Variants in TMEM178B observed in about 807,000 individuals in gnomAD.
TMEM178B encodes the protein transmembrane protein 178B.
TMEM178B carries 5 observed loss-of-function variants against 31.0 expected under a neutral mutation model. That is an observed-to-expected ratio of 0.16 (90% CI 0.08 to 0.34). TMEM178B has a LOEUF of 0.34. TMEM178B is among the 10% of genes least tolerant of loss of function. The probability of loss-of-function intolerance (pLI) is 1.00; values close to 1 mark genes in which losing one functional copy is unlikely to be tolerated. For synonymous variants in TMEM178B, 164 were observed against 164.0 expected (o/e 1.00, Z 0.00); for missense variants, 275 against 400.3 (o/e 0.69, Z 2.67).
At position 141,422,765 on chromosome 7, in the gene TMEM178B, C is replaced by T. The variant is rs1801236574; in HGVS notation, c.497-14843C>T. ...GCAGTGGCTGGAGTGGGGAAGCTCC[C>T]ATGGGGAGAGAATAGAAATGCAAGA... is the stretch of plus-strand genomic sequence containing the variant. On this transcript the variant is annotated intron_variant, in intron 2 of 3. Transcript: ENST00000565468. The surrounding 1 kb of genome is among the most constrained non-coding windows in gnomAD (Gnocchi z 4.2). 6.6e-6 allele frequency among the ~76,000 whole-genome samples: 1 copy of T among 152,140 alleles called. No individual in the cohort carries two copies. Among genetic ancestry groups the T allele is most frequent in the African/African-American group, 2.4e-5 (1 of 41,430 alleles).
intron 2 of TMEM178B, among the ~76,000 whole-genome samples, chr7:141,227,459 T>A (rs1299331265): frequency 2.0e-5 from 3 of 152,190 alleles, no homozygotes; most frequent in Non-Finnish European, 4.4e-5. Context: ...CATACCTTAT[T>A]CACTGAAATC....
intron 1 of TMEM178B, among the ~76,000 whole-genome samples, chr7:141,118,237 A>T (rs1167054169): frequency 6.6e-6 from 1 of 152,006 alleles, no homozygotes; most frequent in South Asian, 2.1e-4. Flanking sequence ...TTGGCCTCCA[A>T]CTCAAACTGG....
At chr7:141,246,014 G>C (rs912350105) in intron 2 of TMEM178B, among the ~76,000 whole-genome samples, 2 of 151,818 alleles carry the variant, frequency 1.3e-5, no homozygotes, top group Middle Eastern at 3.4e-3. Flanking sequence ...TTTTTTTCCT[G>C]AATTCCAACC....
chr7:141,428,941 G>A (rs966530733), intron 2 of TMEM178B, among the ~76,000 whole-genome samples: 6 of 152,240 alleles, frequency 3.9e-5, no homozygotes, highest in East Asian at 1.9e-4. Flanking sequence ...TAGACCCACT[G>A]GATTCACTGC....
rs536091548 is a variant in TMEM178B at position 141,142,411 on chromosome 7, C to CT, written c.382+67733dup. ...ATTTATTTTCTTTTTTCTTTTCTTT[C>CT]TTTTTTTTTTTTTTGAGATGGAGTC... On this transcript the variant is annotated intron_variant, in intron 1 of 3. Coordinates refer to ENST00000565468, the MANE Select transcript of TMEM178B (RefSeq NM_001195278.2). Among the ~76,000 whole-genome samples, 1,157 of 137,202 alleles carry CT rather than the reference C, an allele frequency of 8.4e-3. 11 individuals are homozygous for CT. Among genetic ancestry groups the CT allele is most frequent in the Middle Eastern group, 0.029 (8 of 280 alleles). 90.0% of individuals were successfully genotyped at this position (137,202 alleles called of 152,430 possible).
chr7:141,172,130 T>A (rs1198602723), intron 1 of TMEM178B, among the ~76,000 whole-genome samples: 1 of 152,162 alleles, frequency 6.6e-6, no homozygotes, highest in Non-Finnish European at 1.5e-5. Flanking sequence ...TTCCCCAAGG[T>A]TACAGAGTTG....
chr7:141,438,326 A>G (rs1017075399), intron 3 of TMEM178B, among the ~76,000 whole-genome samples: 9 of 152,160 alleles, frequency 5.9e-5, no homozygotes, highest in Admixed American at 2.0e-4. Flanking sequence ...AAGGGATTCT[A>G]CATAAGGAGA....
At chr7:141,314,269 T>C (rs1453191341) in intron 2 of TMEM178B, among the ~76,000 whole-genome samples, 1 of 152,192 alleles carries the variant, frequency 6.6e-6, no homozygotes, top group South Asian at 2.1e-4. Flanking sequence ...TTCAGGCCTC[T>C]CACACATCAT....
At chr7:141,384,293 C>T (rs1280456899) in intron 2 of TMEM178B, among the ~76,000 whole-genome samples, 1 of 152,130 alleles carries the variant, frequency 6.6e-6, no homozygotes, top group Non-Finnish European at 1.5e-5. Flanking sequence ...AGTCCTTGCC[C>T]ACGCCTGTGT....
intron 2 of TMEM178B, among the ~76,000 whole-genome samples, chr7:141,380,319 A>G (rs1398842490): frequency 6.6e-6 from 1 of 152,212 alleles, no homozygotes; most frequent in Non-Finnish European, 1.5e-5. Context: ...ATTTTTGTGA[A>G]GACCTTCCTA....
chr7:141,131,807 T>G (rs1795600075), intron 1 of TMEM178B, among the ~76,000 whole-genome samples: 1 of 152,152 alleles, frequency 6.6e-6, no homozygotes, highest in Middle Eastern at 3.2e-3. Flanking sequence ...TTCTCTTGGG[T>G]AAATTCCTAA....
rs138471525 is a variant in TMEM178B at position 141,301,611 on chromosome 7, G to A, written c.496+88907G>A. Among the ~76,000 whole-genome samples, 957 of 152,258 alleles carry A rather than the reference G, an allele frequency of 6.3e-3. 8 individuals are homozygous for A. The highest frequency in any genetic ancestry group is 7.9e-3 in the South Asian group (38 of 4,822). On this transcript the variant is annotated intron_variant, in intron 2 of 3. Transcript: ENST00000565468. Reference sequence around the variant, plus strand: ...CTGTTGTGCCTGGTTTTCCAATCTCGAGCTAAGTGTGTTTAATTATTCCAA... The same window carrying A: ...CTGTTGTGCCTGGTTTTCCAATCTCAAGCTAAGTGTGTTTAATTATTCCAA...
intron 1 of TMEM178B, among the ~76,000 whole-genome samples, chr7:141,134,452 T>G (rs534760659): frequency 6.6e-6 from 1 of 151,444 alleles, no homozygotes; most frequent in East Asian, 1.9e-4. Context: ...CTTAAGGGAG[T>G]CCTACATCTG....
chr7:141,138,818 T>TA (rs956444940), intron 1 of TMEM178B, among the ~76,000 whole-genome samples: 2 of 151,272 alleles, frequency 1.3e-5, no homozygotes, highest in African/African-American at 2.4e-5. Context: ...CTGTCTCTAC[T>TA]AAAAAAATAC....
At chr7:141,378,531 A>C (rs1230330597) in intron 2 of TMEM178B, among the ~76,000 whole-genome samples, 1 of 152,194 alleles carries the variant, frequency 6.6e-6, no homozygotes, top group African/African-American at 2.4e-5. Context: ...TTGCCTGGTT[A>C]ACAGCACACA....
chr7:141,154,855 A>G (rs754833368), intron 1 of TMEM178B, among the ~76,000 whole-genome samples: 6 of 151,442 alleles, frequency 4.0e-5, no homozygotes, highest in Non-Finnish European at 7.4e-5. Context: ...TTAGCCTCCC[A>G]AGTAGCTGGG....
intron 1 of TMEM178B, among the ~76,000 whole-genome samples, chr7:141,094,956 G>A (rs932746925): frequency 1.3e-5 from 2 of 152,112 alleles, no homozygotes; most frequent in African/African-American, 4.8e-5. Context: ...TTTTAAAAAC[G>A]AAGTGCAATA....
Position 141,204,457 on chromosome 7 carries a change from C to A in TMEM178B, c.383-8134C>A, listed in dbSNP as rs530496698. ...AGGGCTGCTGGGTGCTTGCTGTGGGCACTATCAGCTTTCCCAGGAGCGTCC... is the reference window on the plus strand; with the variant it reads ...AGGGCTGCTGGGTGCTTGCTGTGGGAACTATCAGCTTTCCCAGGAGCGTCC... On this transcript the variant is annotated intron_variant, in intron 1 of 3. Transcript: ENST00000565468. Among the ~76,000 whole-genome samples the A allele has an allele frequency of 3.3e-5, 5 of 152,280 alleles. No homozygotes were observed. The East Asian group carries it at 9.7e-4, about 29-fold the overall frequency.
intron 1 of TMEM178B, among the ~76,000 whole-genome samples, chr7:141,191,681 A>C (rs965172664): frequency 6.6e-6 from 1 of 151,988 alleles, no homozygotes; most frequent in African/African-American, 2.4e-5. Flanking sequence ...CTCATTTTTA[A>C]ATTGTATTGG....
Sources: gnomAD v4.1 joint callset for allele counts (sites outside exome capture counted in the v4.1 genomes callset) on GRCh38, gnomAD v4.1.1 for gene constraint, Gnocchi (gnomAD v3.1) non-coding constraint, MANE v1.5 for transcripts, NCBI Gene and HGNC (gene_info 2026-07-23, HGNC 2026-07-21) for gene names.